The following CSMD1 variants were observed in gnomAD, a reference collection of about 807,000 sequenced individuals.
CSMD1 encodes CUB and sushi domain-containing protein 1.
In CSMD1, 213 loss-of-function variants were observed where a neutral mutation model predicts 417.5. That is an observed-to-expected ratio of 0.51 (90% confidence interval 0.46 to 0.57). The LOEUF (loss-of-function observed/expected upper bound fraction) is 0.57, where lower values mean the gene tolerates loss of function less well. CSMD1 is among the 20% of genes least tolerant of loss of function. The pLI is 0.00. For missense variants in CSMD1, 6,923 were observed against 4,529.7 expected (o/e 1.53, Z -15.17); for synonymous variants, 2,862 against 1,736.8 (o/e 1.65, Z -16.11).
chr8:3,883,545 A>G (rs573882412), intron 5 of CSMD1, among the ~76,000 whole-genome samples: 15 of 152,178 alleles, frequency 9.9e-5, no homozygotes, highest in East Asian at 1.9e-4. Flanking sequence ...CTATTTAATA[A>G]CTAAAGCAGT....
chr8:3,979,535 G>C (rs1035490172), intron 5 of CSMD1, among the ~76,000 whole-genome samples: 2 of 152,198 alleles, frequency 1.3e-5, no homozygotes, highest in Non-Finnish European at 2.9e-5. Context: ...TCCAAGTCAT[G>C]ATATTAAGAG....
intron 5 of CSMD1, among the ~76,000 whole-genome samples, chr8:3,819,730 G>T (rs924748445): frequency 3.3e-5 from 5 of 152,096 alleles, no homozygotes; most frequent in Admixed American, 1.3e-4. Flanking sequence ...GGGACCACAG[G>T]CACATGTGGT....
intron 4 of CSMD1, among the ~76,000 whole-genome samples, chr8:3,999,977 G>C (rs184790522): frequency 6.6e-6 from 1 of 152,178 alleles, no homozygotes; most frequent in African/African-American, 2.4e-5. Flanking sequence ...TAAAAATTAT[G>C]CTACCACGGT....
At chr8:3,900,554 T>G (rs1356520086) in intron 5 of CSMD1, among the ~76,000 whole-genome samples, 1 of 151,630 alleles carries the variant, frequency 6.6e-6, no homozygotes, top group African/African-American at 2.4e-5. Flanking sequence ...TAGGTGACAG[T>G]GCAGATGGGT....
intron 1 of CSMD1, among the ~76,000 whole-genome samples, chr8:4,722,184 G>A (rs574253520): frequency 6.6e-6 from 1 of 152,104 alleles, no homozygotes; most frequent in Non-Finnish European, 1.5e-5. Context: ...CACACATGCT[G>A]ACTATGGGAG....
chr8:4,332,896 T>C (rs1799955978), intron 3 of CSMD1, among the ~76,000 whole-genome samples: 1 of 150,732 alleles, frequency 6.6e-6, no homozygotes, highest in South Asian at 2.1e-4. Flanking sequence ...AACAACACAA[T>C]GACTTGAAAA....
rs116419272 is a variant in CSMD1 at position 4,505,331 on chromosome 8, T to C, written c.303-85266A>G. Among the ~76,000 whole-genome samples the C allele has an allele frequency of 8.5e-3, 1,295 of 152,232 alleles. 22 individuals carry two copies. The highest frequency in any genetic ancestry group is 0.03 in the African/African-American group (1,252 of 41,542). On this transcript the variant is annotated intron_variant, in intron 2 of 69. Coordinates refer to ENST00000635120, the MANE Select transcript of CSMD1 (RefSeq NM_033225.6). ...TAAAAGAGAAACAGAAAACTGAAAA[T>C]AAGTAAACAATTTTACTCAGAGATC...
At chr8:3,488,572 G>C (rs1009609310) in intron 11 of CSMD1, among the ~76,000 whole-genome samples, 3 of 152,140 alleles carry the variant, frequency 2.0e-5, no homozygotes, top group African/African-American at 7.2e-5. Context: ...TATATGAAAT[G>C]TATATCAGTA....
intron 3 of CSMD1, among the ~76,000 whole-genome samples, chr8:4,278,870 G>T (rs747422397): frequency 6.6e-6 from 1 of 152,144 alleles, no homozygotes; most frequent in Non-Finnish European, 1.5e-5. Flanking sequence ...ATTGCAGTAT[G>T]TATGTAATAA....
chr8:3,520,503 A>T (rs1427402193), intron 10 of CSMD1, among the ~76,000 whole-genome samples: 1 of 152,200 alleles, frequency 6.6e-6, no homozygotes, highest in East Asian at 1.9e-4. Context: ...AATGTTTATT[A>T]TCTTGTCAAT....
Position 3,838,722 on chromosome 8 carries a change from AAATTAATATTATAT to A in CSMD1, c.819-84694_819-84681del, listed in dbSNP as rs1802879785. Among the ~76,000 whole-genome samples the A allele has an allele frequency of 2.3e-5, 2 of 85,148 alleles. 1 individual carries two copies. Among genetic ancestry groups the A allele is most frequent in the African/African-American group, 1.3e-4 (2 of 15,394 alleles). The allele number at this position is 85,148 out of a possible 152,430, so 55.9% of individuals were successfully genotyped here. On this transcript the variant is annotated intron_variant, in intron 5 of 69. Transcript: ENST00000635120. ...AATATTATATAGTATAATATATAAT[AAATTAATATTATAT>A]AGTATAATATATAATAAATATTATA...
intron 1 of CSMD1, among the ~76,000 whole-genome samples, chr8:4,800,788 G>A (rs1253264493): frequency 6.6e-6 from 1 of 152,216 alleles, no homozygotes; most frequent in African/African-American, 2.4e-5. Context: ...CCTAGGAGGT[G>A]GGTTTCGGGA....
At chr8:4,625,455 T>C (rs1055111885) in intron 2 of CSMD1, among the ~76,000 whole-genome samples, 5 of 152,016 alleles carry the variant, frequency 3.3e-5, no homozygotes, top group African/African-American at 1.2e-4. Context: ...TCTACATTTA[T>C]GAGCACAATC....
chr8:4,879,272 G>A (rs541028436), intron 1 of CSMD1, among the ~76,000 whole-genome samples: 2 of 151,990 alleles, frequency 1.3e-5, no homozygotes, highest in Non-Finnish European at 2.9e-5. Context: ...TGGAATAGGG[G>A]AGATAGTTTC....
chr8:2,985,894 T>C (rs1805851559), intron 54 of CSMD1, among the ~76,000 whole-genome samples: 2 of 144,976 alleles, frequency 1.4e-5, no homozygotes, highest in Admixed American at 7.0e-5. Flanking sequence ...TCTTTGCATA[T>C]TGTGATCGAA....
chr8:4,958,472 A>G (rs1462969019), intron 1 of CSMD1, among the ~76,000 whole-genome samples: 5 of 152,214 alleles, frequency 3.3e-5, no homozygotes, highest in Non-Finnish European at 5.9e-5. Context: ...TGCAATATAT[A>G]TTGAAGATAT....
intron 25 of CSMD1, among the ~76,000 whole-genome samples, chr8:3,287,436 A>G (rs569325138): frequency 6.6e-6 from 1 of 152,284 alleles, no homozygotes; most frequent in Non-Finnish European, 1.5e-5. Context: ...ACCTATGAGC[A>G]TGGAATGTTC....
At chr8:3,280,582 T>G (rs1033374688) in intron 26 of CSMD1, among the ~76,000 whole-genome samples, 15 of 152,214 alleles carry the variant, frequency 9.9e-5, no homozygotes, top group African/African-American at 3.6e-4. Flanking sequence ...ATTTATTAAC[T>G]AGTGATAGGG....
chr8:3,408,066 A>G lies in CSMD1; in HGVS notation c.1904T>C (p.Phe635Ser). 6.2e-7 allele frequency: 1 copy of G among 1,613,964 alleles called. No homozygotes were observed. Among genetic ancestry groups the G allele is most frequent in the Non-Finnish European group, 8.5e-7 (1 of 1,179,896 alleles). The change falls in exon 14 of 70, where the codon TTT (phenylalanine) becomes TCT (serine). Residue 635 changes from phenylalanine to serine, a missense_variant. Coordinates refer to ENST00000635120, the MANE Select transcript of CSMD1 (RefSeq NM_033225.6). ...ATCATCCTTGACCGCGAGAAAGTCA[A>G]ACTGAGGCTCAACATCAAAATCATT... ...IFNDFDVEPQ[F>S]DFLAVKDDGI...
Sources: gnomAD v4.1 joint callset for allele counts (sites outside exome capture counted in the v4.1 genomes callset) on GRCh38, gnomAD v4.1.1 for gene constraint, MANE v1.5 for transcripts, NCBI Gene and HGNC (gene_info 2026-07-23, HGNC 2026-07-21) for gene names.